Variants in CALN1 observed in about 807,000 individuals in gnomAD.
The protein encoded by CALN1 is calcium-binding protein 8.
Under a neutral mutation model 30.6 loss-of-function variants are expected in CALN1, and 17 were observed. That is an observed-to-expected ratio of 0.56 (90% CI 0.38 to 0.83). CALN1 has a LOEUF of 0.83. Among genes scored for constraint, CALN1 ranks in the 40% least tolerant of loss-of-function variants. The probability of loss-of-function intolerance (pLI) is 0.00; values close to 1 mark genes in which losing one functional copy is unlikely to be tolerated. For missense variants in CALN1, 291 were observed against 354.9 expected, an observed-to-expected ratio of 0.82 and a Z score of 1.45; for synonymous variants, 156 against 131.4, an observed-to-expected ratio of 1.19 and a Z score of -1.28.
At chr7:71,997,298 A>C (rs970792834) in intron 5 of CALN1, among the ~76,000 whole-genome samples, 3 of 152,170 alleles carry the variant, frequency 2.0e-5, no homozygotes, top group Non-Finnish European at 4.4e-5. Context: ...ACTGAAAAAA[A>C]TCAAAATGTA....
At chr7:71,967,157 A>G (rs1289358678) in intron 5 of CALN1, among the ~76,000 whole-genome samples, 1 of 152,214 alleles carries the variant, frequency 6.6e-6, no homozygotes, top group Non-Finnish European at 1.5e-5. Context: ...AAGAAAACAG[A>G]GAAAGCCTTT....
intron 4 of CALN1, among the ~76,000 whole-genome samples, chr7:72,062,696 G>C (rs1803749675): frequency 6.6e-6 from 1 of 151,978 alleles, no homozygotes; most frequent in Non-Finnish European, 1.5e-5. Flanking sequence ...TTTCAATGTA[G>C]GTTGATATAA....
chr7:71,932,531 G>A (rs936137773), intron 5 of CALN1, among the ~76,000 whole-genome samples: 5 of 152,016 alleles, frequency 3.3e-5, no homozygotes, highest in Non-Finnish European at 7.4e-5. Context: ...AGAAGTATAT[G>A]TGCCGGGCAG....
chr7:72,321,263 C>T (rs1490227500), intron 2 of CALN1, among the ~76,000 whole-genome samples: 1 of 152,202 alleles, frequency 6.6e-6, no homozygotes, highest in Admixed American at 6.5e-5. Context: ...GAAACCGTCC[C>T]TGTCGACACT....
intron 6 of CALN1, among the ~76,000 whole-genome samples, chr7:71,793,931 A>C (rs1178995549): frequency 6.6e-6 from 1 of 152,234 alleles, no homozygotes; most frequent in East Asian, 1.9e-4. Flanking sequence ...TTATGCATAT[A>C]GGAAGGAACT....
At chr7:72,458,743 A>G in the CALN1 span, among the ~76,000 whole-genome samples, 12 of 106,486 alleles carry the variant, frequency 1.1e-4, 1 homozygote, top group Non-Finnish European at 1.9e-4. Context: ...ATATTATATA[A>G]TATATTTTAT....
intron 3 of CALN1, among the ~76,000 whole-genome samples, chr7:72,255,368 G>A (rs1795841684): frequency 7.6e-6 from 1 of 130,892 alleles, no homozygotes; most frequent in African/African-American, 2.7e-5. Context: ...GATTATAGGG[G>A]TGAGCCACCA....
chr7:72,423,110 A>G (rs981555338), intron 1 of CALN1, among the ~76,000 whole-genome samples: 1 of 147,708 alleles, frequency 6.8e-6, no homozygotes. Context: ...CTCCATCTCA[A>G]AAAAAAAAAA....
intron 2 of CALN1, among the ~76,000 whole-genome samples, chr7:72,294,733 G>A (rs544262170): frequency 7.4e-6 from 1 of 135,842 alleles, no homozygotes; most frequent in Admixed American, 7.9e-5. Context: ...GGACGACAAA[G>A]ACTGTCTCTA....
chr7:72,199,890 C>A (rs1791301195), intron 3 of CALN1, among the ~76,000 whole-genome samples: 2 of 152,076 alleles, frequency 1.3e-5, no homozygotes, highest in South Asian at 4.2e-4. Context: ...TATAGCCTAA[C>A]TCTAGATGGA....
At chr7:72,446,714 G>T (rs752673156) in intron 1 of CALN1, among the ~76,000 whole-genome samples, 1 of 152,070 alleles carries the variant, frequency 6.6e-6, no homozygotes, top group Non-Finnish European at 1.5e-5. Context: ...GAAAGGACCC[G>T]GCCGGGAGGA....
At chr7:72,265,787 C>T (rs767427503) in intron 3 of CALN1, among the ~76,000 whole-genome samples, 1 of 151,898 alleles carries the variant, frequency 6.6e-6, no homozygotes, top group Non-Finnish European at 1.5e-5. Flanking sequence ...AAATAAGAAC[C>T]TAGGACACAT....
intron 2 of CALN1, among the ~76,000 whole-genome samples, chr7:72,293,926 G>A (rs569443623): frequency 2.6e-5 from 4 of 151,674 alleles, no homozygotes; most frequent in East Asian, 3.9e-4. Context: ...GTGAAACCCC[G>A]CCTCTCCTTA....
At chr7:72,392,346 C>T (rs548909042) in intron 2 of CALN1, among the ~76,000 whole-genome samples, 156 of 152,246 alleles carry the variant, frequency 1.0e-3, no homozygotes, top group Non-Finnish European at 1.7e-3. Flanking sequence ...TTGGTTTATC[C>T]CCCCGAGTTT....
intron 5 of CALN1, among the ~76,000 whole-genome samples, chr7:71,895,005 A>G (rs1325101196): frequency 6.6e-6 from 1 of 152,114 alleles, no homozygotes; most frequent in Non-Finnish European, 1.5e-5. Context: ...CCCAGTCTGG[A>G]GTGCAGTGAT....
chr7:71,787,942 G>C (rs1447730056), intron 6 of CALN1, 40 bp from the exon 7 acceptor site: 1 of 1,613,248 alleles, frequency 6.2e-7, no homozygotes. Context: ...AAGGAAGAGG[G>C]GTTGGGAGAA....
intron 5 of CALN1, among the ~76,000 whole-genome samples, chr7:71,893,507 A>G (rs764005338): frequency 2.0e-5 from 3 of 152,118 alleles, no homozygotes; most frequent in Non-Finnish European, 4.4e-5. Flanking sequence ...CCTGGCCAAC[A>G]TGGCGAAACC....
intron 4 of CALN1, among the ~76,000 whole-genome samples, chr7:72,096,832 T>C (rs1806268884): frequency 6.6e-6 from 1 of 152,148 alleles, no homozygotes; most frequent in South Asian, 2.1e-4. Flanking sequence ...GGATTATAAA[T>C]CATGCTGCTA....
At chr7:72,070,605 C>CT (rs1272771255) in intron 4 of CALN1, among the ~76,000 whole-genome samples, 2 of 152,176 alleles carry the variant, frequency 1.3e-5, no homozygotes, top group African/African-American at 4.8e-5. Context: ...AGTTCCCTGA[C>CT]TTTATTGTGG....
Sources: allele counts gnomAD v4.1 joint callset (sites outside exome capture counted in the v4.1 genomes callset), GRCh38; gene constraint gnomAD v4.1.1; transcripts MANE v1.5; gene names NCBI Gene and HGNC (gene_info 2026-07-23, HGNC 2026-07-21).